ADK: variants seen among roughly 807,000 people sequenced by gnomAD.
ADK encodes N6,N6-dimethyladenosine kinase.
A neutral mutation model predicts 44.7 loss-of-function variants in ADK; 24 were observed. The observed-to-expected ratio is 0.54, with a 90% CI of 0.39 to 0.76. The LOEUF (loss-of-function observed/expected upper bound fraction) is 0.76. ADK is among the 30% of genes least tolerant of loss of function. ADK has a pLI of 0.00. For synonymous variants in ADK, 128 were observed against 142.6 expected (o/e 0.90, Z 0.73); for missense variants, 321 against 425.1 (o/e 0.76, Z 2.15).
chr10:74,194,669 C>T (rs1197227154), intron 1 of ADK, among the ~76,000 whole-genome samples: 1 of 152,166 alleles, frequency 6.6e-6, no homozygotes, highest in Non-Finnish European at 1.5e-5. Flanking sequence ...GCAATGTCTG[C>T]AGAGGGCCTA....
At chr10:74,515,351 G>T (rs548817047) in intron 6 of ADK, among the ~76,000 whole-genome samples, 3 of 152,246 alleles carry the variant, frequency 2.0e-5, no homozygotes, top group African/African-American at 7.2e-5. Context: ...CAGGTCTGGG[G>T]TATGTATGTG....
At chr10:74,627,124 T>C (rs907903427) in intron 9 of ADK, among the ~76,000 whole-genome samples, 11 of 152,132 alleles carry the variant, frequency 7.2e-5, no homozygotes, top group African/African-American at 2.4e-4. Context: ...CCTCATAGCA[T>C]ATATATATAA....
intron 3 of ADK, among the ~76,000 whole-genome samples, chr10:74,240,398 GTGTC>G (rs1240878749): frequency 1.3e-5 from 2 of 151,506 alleles, no homozygotes; most frequent in Middle Eastern, 3.4e-3. Flanking sequence ...GTGTGTGTGT[GTGTC>G]TGTGTGTGTG....
rs1482053459 is a variant in ADK at position 74,596,014 on chromosome 10, A to AAAAAAAAG, written c.763-4363_763-4362insAAAAAGAA. On this transcript the variant is annotated intron_variant, in intron 8 of 10. Coordinates refer to ENST00000539909, the MANE Select transcript of ADK (RefSeq NM_006721.4). ...TTCCATCTCAAAAAAAAAAAAAAAAAAACCACTGAAATTCGCTGGAGTAAA... is the reference window on the plus strand; with the variant it reads ...TTCCATCTCAAAAAAAAAAAAAAAAAAAAAAAAGAACCACTGAAATTCGCTGGAGTAAA... 2.5e-4 allele frequency among the ~76,000 whole-genome samples: 38 copies of AAAAAAAAG among 150,260 alleles called. No individual in the cohort carries two copies. The East Asian group carries it at 7.1e-3, about 28-fold the overall frequency.
At chr10:74,427,731 G>A (rs957205678) in intron 6 of ADK, among the ~76,000 whole-genome samples, 1 of 142,770 alleles carries the variant, frequency 7.0e-6, no homozygotes, top group African/African-American at 2.6e-5. Context: ...ATATGTATGT[G>A]TGTGTGTGTG....
intron 6 of ADK, among the ~76,000 whole-genome samples, chr10:74,483,900 G>T (rs1847167802): frequency 6.6e-6 from 1 of 152,134 alleles, no homozygotes; most frequent in Non-Finnish European, 1.5e-5. Flanking sequence ...CAGCATTTAG[G>T]TTACAACCAT....
chr10:74,443,507 A>G (rs756212205), intron 6 of ADK, among the ~76,000 whole-genome samples: 7 of 152,168 alleles, frequency 4.6e-5, no homozygotes, highest in Admixed American at 3.9e-4. Flanking sequence ...ATCAATAAAG[A>G]CAGAAGGTAT....
At chr10:74,302,183 C>T (rs571969902) in intron 3 of ADK, among the ~76,000 whole-genome samples, 7 of 122,808 alleles carry the variant, frequency 5.7e-5, no homozygotes, top group African/African-American at 2.3e-4. Context: ...GGCTGGGGTG[C>T]AGTGGCGTGA....
chr10:74,472,598 A>G (rs975043115), intron 6 of ADK, among the ~76,000 whole-genome samples: 49 of 152,186 alleles, frequency 3.2e-4, no homozygotes, highest in African/African-American at 1.2e-3. Context: ...ATTTCCTAAT[A>G]AGACCTAGAA....
chr10:74,525,306 T>A lies in ADK; in HGVS notation c.606T>A (p.His202Gln). 1 of 1,613,882 alleles carries A rather than the reference T, an allele frequency of 6.2e-7. No homozygotes were observed. The highest frequency in any genetic ancestry group is 8.5e-7 in the Non-Finnish European group (1 of 1,179,886). ...AGTCAGTATTAAAGGTGGCTCACCATGCTTCTGAAAACAACAGGATTTTCA... is the reference window on the plus strand; with the variant it reads ...AGTCAGTATTAAAGGTGGCTCACCAAGCTTCTGAAAACAACAGGATTTTCA... ...SPESVLKVAH[H>Q]ASENNRIFTL... Residue 202 changes from histidine (H) to glutamine (Q), a missense_variant, in exon 7 of 11, where the codon CAT becomes CAA. Transcript: ENST00000539909.
intron 4 of ADK, among the ~76,000 whole-genome samples, chr10:74,356,390 A>G (rs576267748): frequency 1.3e-5 from 2 of 152,308 alleles, no homozygotes; most frequent in African/African-American, 4.8e-5. Flanking sequence ...GTTGTGACCA[A>G]CTACAGTTCA....
chr10:74,288,387 T>C (rs1009710307), intron 3 of ADK, among the ~76,000 whole-genome samples: 1 of 152,192 alleles, frequency 6.6e-6, no homozygotes, highest in Non-Finnish European at 1.5e-5. Context: ...CAGTGGCTCA[T>C]GCCTGTAATC....
chr10:74,524,819 T>G (rs886630296), intron 6 of ADK, among the ~76,000 whole-genome samples: 1 of 152,174 alleles, frequency 6.6e-6, no homozygotes, highest in African/African-American at 2.4e-5. Context: ...GATTGCTTTA[T>G]CCCAGGAGTT....
rs371467151 is a variant in ADK at position 74,470,086 on chromosome 10, G to T, written c.556-55170G>T. ...GTCACCCAGGCTGGAATGCAATGGC[G>T]CAATCTGAGCTCACTGCAACCTCTG... On this transcript the variant is annotated intron_variant, in intron 6 of 10. Transcript: ENST00000539909. 2.1e-3 allele frequency among the ~76,000 whole-genome samples: 315 copies of T among 147,648 alleles called. 2 individuals carry two copies. The highest frequency in any genetic ancestry group is 7.5e-3 in the African/African-American group (297 of 39,798).
At chr10:74,199,453 C>T (rs1333596321) in intron 1 of ADK, among the ~76,000 whole-genome samples, 2 of 152,138 alleles carry the variant, frequency 1.3e-5, no homozygotes, top group African/African-American at 2.4e-5. Context: ...ATTTGGCTTT[C>T]TGTTTCTATG....
At chr10:74,214,882 G>A (rs961641798) in intron 2 of ADK, among the ~76,000 whole-genome samples, 2 of 152,184 alleles carry the variant, frequency 1.3e-5, no homozygotes, top group Admixed American at 1.3e-4. Flanking sequence ...GATCTGGATA[G>A]CAACCCTGTG....
chr10:74,514,660 C>T (rs1848489471), intron 6 of ADK, among the ~76,000 whole-genome samples: 1 of 151,972 alleles, frequency 6.6e-6, no homozygotes, highest in Non-Finnish European at 1.5e-5. Flanking sequence ...AACTCTTCTC[C>T]TGACTTTGTT....
intron 9 of ADK, among the ~76,000 whole-genome samples, chr10:74,661,035 G>GA (rs550093345): frequency 4.9e-5 from 7 of 144,306 alleles, no homozygotes; most frequent in Admixed American, 6.9e-5. Context: ...CTGTCTCAAA[G>GA]AAAAAAAAAA....
chr10:74,444,823 A>G (rs1245863468), intron 6 of ADK, among the ~76,000 whole-genome samples: 1 of 151,776 alleles, frequency 6.6e-6, no homozygotes, highest in Non-Finnish European at 1.5e-5. Context: ...TTTTTCCCAT[A>G]ATGGTTCATT....
Sources: gnomAD v4.1 joint callset for allele counts (sites outside exome capture counted in the v4.1 genomes callset) on GRCh38, gnomAD v4.1.1 for gene constraint, MANE v1.5 for transcripts, NCBI Gene and HGNC (gene_info 2026-07-23, HGNC 2026-07-21) for gene names.